The following FAM204A variants were observed in gnomAD, a reference collection of about 807,000 sequenced individuals.
FAM204A encodes protein FAM204A.
In FAM204A, 16 loss-of-function variants were observed where a neutral mutation model predicts 35.4. The ratio of observed to expected loss-of-function variants is 0.45; its 90% CI spans 0.31 to 0.69. FAM204A has a LOEUF of 0.69. Ranked by LOEUF, FAM204A falls within the 30% of genes least tolerant of loss-of-function variation. FAM204A has a pLI of 0.07. For missense variants in FAM204A, 240 were observed against 265.7 expected (o/e 0.90, Z 0.67); for synonymous variants, 76 against 86.9 (o/e 0.88, Z 0.70).
rs143486967 is a variant in FAM204A at position 118,338,592 on chromosome 10, A to C, written c.-8-2169T>G. Among the ~76,000 whole-genome samples, 878 of 152,374 alleles carry C rather than the reference A, an allele frequency of 5.8e-3. 4 individuals are homozygous for C. Among genetic ancestry groups the C allele is most frequent in the Non-Finnish European group, 7.6e-3 (514 of 68,032 alleles). ...CACTCTTCAAGACCCTGGGGACAGA[A>C]GTATATAAAACAGGCAAAAATCCCT... On this transcript the variant is annotated intron_variant, in intron 2 of 8. Coordinates refer to ENST00000369183, the MANE Select transcript of FAM204A (RefSeq NM_022063.3).
At position 118,298,222 on chromosome 10, in the gene FAM204A, A is replaced by C. The variant is rs1266465739; in HGVS notation, c.*12635T>G. 1 of 152,216 alleles carries C rather than the reference A, an allele frequency of 6.6e-6. No individual in the cohort carries two copies. The highest frequency in any genetic ancestry group is 1.5e-5 in the Non-Finnish European group (1 of 68,064). The allele number at this position is 152,216 out of a possible 1,614,324, so 9.4% of individuals were successfully genotyped here. On this transcript the variant is annotated 3_prime_UTR_variant, in exon 9 of 9. Coordinates refer to ENST00000369183, the MANE Select transcript of FAM204A (RefSeq NM_022063.3). The stretch of plus-strand genomic sequence containing the variant: ...ATCTACTTTCCTTGAATCTCTTCCT[A>C]GACAGGCCCCCTGAGCCAGACAGGA...
chr10:118,328,340 ACTC>A (rs1210061248), intron 6 of FAM204A, among the ~76,000 whole-genome samples: 2 of 151,996 alleles, frequency 1.3e-5, no homozygotes, highest in East Asian at 1.9e-4. Flanking sequence ...TATCAACTAA[ACTC>A]TAAGCCAGTG....
intron 2 of FAM204A, 94 bp from the exon 3 acceptor site, chr10:118,336,517 C>T: frequency 3.4e-6 from 4 of 1,188,190 alleles, no homozygotes; most frequent in Non-Finnish European, 4.5e-6. Flanking sequence ...ATAATTATAA[C>T]AATGGTTTGG....
intron 6 of FAM204A, 89 bp from the exon 7 acceptor site, chr10:118,326,332 GT>G: frequency 9.5e-7 from 1 of 1,056,096 alleles, no homozygotes; most frequent in Non-Finnish European, 1.4e-6. Flanking sequence ...TACTGAATGT[GT>G]TACACAAGTA....
chr10:118,311,990 C>G (rs374640319), intron 7 of FAM204A, among the ~76,000 whole-genome samples: 2 of 152,118 alleles, frequency 1.3e-5, no homozygotes, highest in Non-Finnish European at 2.9e-5. Flanking sequence ...ACCGTGAAAT[C>G]CCCCCATCCC....
intron 2 of FAM204A, among the ~76,000 whole-genome samples, chr10:118,340,948 C>T (rs574619569): frequency 3.6e-4 from 54 of 152,104 alleles, no homozygotes; most frequent in Non-Finnish European, 6.9e-4. Context: ...GAGTTGTAAG[C>T]GGGGACAAGG....
rs1353848547 is a variant in FAM204A, at chr10:118,306,802, G to C, written c.*4055C>G. On this transcript the variant is annotated 3_prime_UTR_variant, in exon 9 of 9. Coordinates refer to ENST00000369183, the MANE Select transcript of FAM204A (RefSeq NM_022063.3). ...TGGCAATCTCCATTGGCCACATGCTGTCATGTCCTTTACTGAAGGCAAGAA... is the reference window on the plus strand; with the variant it reads ...TGGCAATCTCCATTGGCCACATGCTCTCATGTCCTTTACTGAAGGCAAGAA... The C allele has an allele frequency of 6.6e-6, 1 of 152,190 alleles. No homozygotes were observed. The highest frequency in any genetic ancestry group is 1.5e-5 in the Non-Finnish European group (1 of 68,042). The allele number at this position is 152,190 out of a possible 1,614,324, so 9.4% of individuals were successfully genotyped here.
At position 118,335,523 on chromosome 10, in the gene FAM204A, AC is replaced by A. The variant is rs747601022; in HGVS notation, c.322+30del. Reference sequence around the variant, plus strand: ...AACTCAGTCACAACTTAGCATTAGCACGACGAACAACCTGAGTTAAAACAAA... The same window carrying A: ...AACTCAGTCACAACTTAGCATTAGCAGACGAACAACCTGAGTTAAAACAAA... On this transcript the variant is annotated intron_variant, in intron 4 of 8. Transcript: ENST00000369183. 4.9e-5 allele frequency: 79 copies of A among 1,597,804 alleles called. No homozygotes were observed. In the East Asian group the frequency reaches 1.6e-3, roughly 32 times the overall value.
chr10:118,320,032 G>A (rs1846087208), intron 7 of FAM204A, among the ~76,000 whole-genome samples: 2 of 152,026 alleles, frequency 1.3e-5, no homozygotes, highest in South Asian at 4.1e-4. Context: ...ATCAACCTAA[G>A]CAATAGGTAT....
chr10:118,332,381 C>T (rs9703861), intron 6 of FAM204A, among the ~76,000 whole-genome samples: 66,227 of 151,518 alleles, frequency 0.44, 15,457 homozygotes, highest in Middle Eastern at 0.58. Flanking sequence ...GGAAATCACA[C>T]AGGAACCAAG....
rs1043063920 is a variant in FAM204A at position 118,309,060 on chromosome 10, A to C, written c.*1797T>G. The C allele has an allele frequency of 6.6e-6, 1 of 152,222 alleles. No individual in the cohort carries two copies. The highest frequency in any genetic ancestry group is 6.5e-5 in the Admixed American group (1 of 15,292). The allele number at this position is 152,222 out of a possible 1,614,324, so 9.4% of individuals were successfully genotyped here. On this transcript the variant is annotated 3_prime_UTR_variant, in exon 9 of 9. Coordinates refer to ENST00000369183, the MANE Select transcript of FAM204A (RefSeq NM_022063.3). Reference sequence around the variant, plus strand: ...ATGGATTTTTAGAGGAAAGGTTTCTATACTAAAAGTCTGTATTTACCTAAT... The same window carrying C: ...ATGGATTTTTAGAGGAAAGGTTTCTCTACTAAAAGTCTGTATTTACCTAAT...
Position 118,309,941 on chromosome 10 carries a change from G to A in FAM204A, c.*916C>T, listed in dbSNP as rs904958208. On this transcript the variant is annotated 3_prime_UTR_variant, in exon 9 of 9. Coordinates refer to ENST00000369183, the MANE Select transcript of FAM204A (RefSeq NM_022063.3). ...ACTACATTCTGCTCCTTTCTTTATT[G>A]TAATAGTTTATCTGAAAGTACACAA... is the stretch of plus-strand genomic sequence containing the variant. 2 of 151,842 alleles carry A rather than the reference G, an allele frequency of 1.3e-5. No individual in the cohort carries two copies. Among genetic ancestry groups the A allele is most frequent in the African/African-American group, 4.8e-5 (2 of 41,294 alleles). The allele number at this position is 151,842 out of a possible 1,614,324, so 9.4% of individuals were successfully genotyped here. A position where few individuals can be genotyped will look rare whatever the true frequency, so the allele number is the denominator to read the frequency against.
At position 118,307,825 on chromosome 10, in the gene FAM204A, A is replaced by G. The variant is rs1364322247; in HGVS notation, c.*3032T>C. 2 of 152,252 alleles carry G rather than the reference A, an allele frequency of 1.3e-5. No homozygotes were observed. The highest frequency in any genetic ancestry group is 1.5e-5 in the Non-Finnish European group (1 of 68,044). The allele number at this position is 152,252 out of a possible 1,614,324, so 9.4% of individuals were successfully genotyped here. On this transcript the variant is annotated 3_prime_UTR_variant, in exon 9 of 9. Coordinates refer to ENST00000369183, the MANE Select transcript of FAM204A (RefSeq NM_022063.3). ...TCTAAGTTGTGACTTAAAAGTTCAG[A>G]TAACATTTTATTCCTATCCTTAGCC...
chr10:118,335,110 T>C lies in FAM204A; in HGVS notation c.453+4A>G. On this transcript the variant is annotated splice_donor_region_variant and intron_variant, in intron 6 of 8. Coordinates refer to ENST00000369183, the MANE Select transcript of FAM204A (RefSeq NM_022063.3). ...GGTATAAGATGCAATAACAAAGATA[T>C]TACCTTCTCAACTTTTTTCCTTTTA... 1 of 1,600,368 alleles carries C rather than the reference T, an allele frequency of 6.2e-7. No homozygotes were observed. The highest frequency in any genetic ancestry group is 8.6e-7 in the Non-Finnish European group (1 of 1,168,214).
chr10:118,302,813 A>T lies in FAM204A; in HGVS notation c.*8044T>A, dbSNP rs1161312313. The stretch of plus-strand genomic sequence containing the variant: ...CCTTCCCTATGGTTTGTGATAAGAC[A>T]TGTGCAAGTTGCACTGACTTGCTTT... On this transcript the variant is annotated 3_prime_UTR_variant, in exon 9 of 9. Transcript: ENST00000369183. The T allele has an allele frequency of 6.6e-6, 1 of 152,252 alleles. No homozygotes were observed. Among genetic ancestry groups the T allele is most frequent in the Non-Finnish European group, 1.5e-5 (1 of 68,046 alleles). 9.4% of individuals were successfully genotyped at this position (152,252 alleles called of 1,614,324 possible). A position where few individuals can be genotyped will look rare whatever the true frequency, so the allele number is the denominator to read the frequency against.
chr10:118,331,543 G>A (rs993435292), intron 6 of FAM204A, among the ~76,000 whole-genome samples: 8 of 152,134 alleles, frequency 5.3e-5, no homozygotes, highest in African/African-American at 1.9e-4. Context: ...GTTTAACATT[G>A]TGGGCTAACA....
rs1845875134 is a variant in FAM204A at position 118,307,111 on chromosome 10, T to C, written c.*3746A>G. ...ATAAAGTCACCCACTAATTTAAATT[T>C]GAAAACCTAGATACTCTGATTACCT... On this transcript the variant is annotated 3_prime_UTR_variant, in exon 9 of 9. Transcript: ENST00000369183. 6.6e-6 allele frequency: 1 copy of C among 152,208 alleles called. No homozygotes were observed. The highest frequency in any genetic ancestry group is 6.5e-5 in the Admixed American group (1 of 15,278). 9.4% of individuals were successfully genotyped at this position (152,208 alleles called of 1,614,324 possible).
intron 6 of FAM204A, among the ~76,000 whole-genome samples, chr10:118,333,178 G>T (rs1253864055): frequency 1.3e-5 from 2 of 152,084 alleles, no homozygotes; most frequent in African/African-American, 4.8e-5. Flanking sequence ...AAAGAAAAAG[G>T]GGAGGAAAAA....
Position 118,326,260 on chromosome 10 carries a change from C to G in FAM204A, c.454-17G>C, listed in dbSNP as rs764190643. 1.6e-5 allele frequency: 26 copies of G among 1,603,546 alleles called. No homozygotes were observed. Among genetic ancestry groups the G allele is most frequent in the Non-Finnish European group, 2.2e-5 (26 of 1,172,592 alleles). On this transcript the variant is annotated splice_polypyrimidine_tract_variant and intron_variant, in intron 6 of 8. Transcript: ENST00000369183. ...AAGGCCTGACTAGAAAAAAAAGAAA[C>G]CTAAAATTAAGGGCTGGAAGGAAAG...
Sources: allele counts gnomAD v4.1 joint callset (sites outside exome capture counted in the v4.1 genomes callset), GRCh38; gene constraint gnomAD v4.1.1; transcripts MANE v1.5; gene names NCBI Gene and HGNC (gene_info 2026-07-23, HGNC 2026-07-21).